Variants in GPR83 observed in about 807,000 individuals in gnomAD.
The protein encoded by GPR83 is G-protein coupled receptor 72.
A neutral mutation model predicts 28.0 loss-of-function variants in GPR83; 23 were observed. The ratio of observed to expected loss-of-function variants is 0.82; its 90% confidence interval spans 0.59 to 1.16. GPR83 has a LOEUF of 1.16. GPR83 is among the 50% of genes most tolerant of loss of function. The pLI is 0.00. For synonymous variants in GPR83, 234 were observed against 215.4 expected, an observed-to-expected ratio of 1.09 and a Z score of -0.76; for missense variants, 610 against 536.6, an observed-to-expected ratio of 1.14 and a Z score of -1.35.
Position 94,379,299 on chromosome 11 carries a change from A to T in GPR83, c.*850T>A, listed in dbSNP as rs1944656411. On this transcript the variant is annotated 3_prime_UTR_variant, in exon 4 of 4. Coordinates refer to ENST00000243673, the MANE Select transcript of GPR83 (RefSeq NM_016540.4). Reference sequence around the variant, plus strand: ...GGCAGGAGAACGGCATGAACCTGGGAGGCAGAGCTTGCAGTGAGCCGAGAT... The same window carrying T: ...GGCAGGAGAACGGCATGAACCTGGGTGGCAGAGCTTGCAGTGAGCCGAGAT... The T allele has an allele frequency of 6.8e-6, 1 of 147,482 alleles. No individual in the cohort carries two copies. The highest frequency in any genetic ancestry group is 1.5e-5 in the Non-Finnish European group (1 of 67,222). 9.1% of individuals were successfully genotyped at this position (147,482 alleles called of 1,614,324 possible). A position where few individuals can be genotyped will look rare whatever the true frequency, so the allele number is the denominator to read the frequency against.
chr11:94,392,143 G>C (rs865869581), intron 3 of GPR83, among the ~76,000 whole-genome samples: 2 of 152,034 alleles, frequency 1.3e-5, no homozygotes, highest in African/African-American at 4.8e-5. Context: ...CTATGCAGCC[G>C]TAAAAAAGGA....
chr11:94,387,433 A>C (rs984871386), intron 3 of GPR83, among the ~76,000 whole-genome samples: 2 of 152,198 alleles, frequency 1.3e-5, no homozygotes, highest in African/African-American at 4.8e-5. Context: ...ACCGCTAGCA[A>C]GACTAATAAA....
rs970811590 is a variant in GPR83 at position 94,377,573 on chromosome 11, A to T, written c.*2576T>A. On this transcript the variant is annotated 3_prime_UTR_variant, in exon 4 of 4. Coordinates refer to ENST00000243673, the MANE Select transcript of GPR83 (RefSeq NM_016540.4). The stretch of plus-strand genomic sequence containing the variant: ...AACAATGATTCAACTTAGGATTTTT[A>T]AAAATTTTATGATGATGGGAAAGCA... 2.6e-5 allele frequency: 4 copies of T among 152,198 alleles called. No homozygotes were observed. The highest frequency in any genetic ancestry group is 9.6e-5 in the African/African-American group (4 of 41,452). 9.4% of individuals were successfully genotyped at this position (152,198 alleles called of 1,614,324 possible).
At position 94,395,230 on chromosome 11, in the gene GPR83, C is replaced by T. The variant is rs75665200; in HGVS notation, c.513+1169G>A. On this transcript the variant is annotated intron_variant, in intron 2 of 3. Coordinates refer to ENST00000243673, the MANE Select transcript of GPR83 (RefSeq NM_016540.4). Reference sequence around the variant, plus strand: ...TGGCTGGTGACATGAAACTCATTACCTCCCAGGCAGGTTTGTCCACCTTTA... The same window carrying T: ...TGGCTGGTGACATGAAACTCATTACTTCCCAGGCAGGTTTGTCCACCTTTA... Among the ~76,000 whole-genome samples, 194 of 152,296 alleles carry T rather than the reference C, an allele frequency of 1.3e-3. No individual in the cohort carries two copies. In the East Asian group the frequency reaches 0.016, roughly 12 times the overall value.
At position 94,393,622 on chromosome 11, in the gene GPR83, G is replaced by C; in HGVS notation, c.514-4C>G. On this transcript the variant is annotated splice_polypyrimidine_tract_variant and splice_region_variant and intron_variant, in intron 2 of 3. Transcript: ENST00000243673. ...GTTTCAAGGGGTGCATGATGACCTG[G>C]AAAACAAGCAAACCACATCACTAAC... 1.2e-6 allele frequency: 2 copies of C among 1,613,744 alleles called. No individual in the cohort carries two copies. Among genetic ancestry groups the C allele is most frequent in the Non-Finnish European group, 1.7e-6 (2 of 1,179,864 alleles).
In GPR83 at chr11:94,384,634, C is replaced by T. The variant is rs555434095; in HGVS notation, c.648-3861G>A. Among the ~76,000 whole-genome samples the T allele has an allele frequency of 1.0e-3, 157 of 152,128 alleles. 1 individual carries two copies. In the South Asian group the frequency reaches 0.024, roughly 23 times the overall value. ...GACGGCACCTGGAAAATCAGGTCAG[C>T]GGCAGCGAGGCTGGGGGAGGAGCGT... is the stretch of plus-strand genomic sequence containing the variant. On this transcript the variant is annotated intron_variant, in intron 3 of 3. Transcript: ENST00000243673.
chr11:94,383,115 C>T (rs1004738454), intron 3 of GPR83, among the ~76,000 whole-genome samples: 1 of 151,024 alleles, frequency 6.6e-6, no homozygotes, highest in African/African-American at 2.4e-5. Context: ...CATGCCACTG[C>T]ACTCCAGCCT....
chr11:94,383,341 T>A (rs1040186813), intron 3 of GPR83, among the ~76,000 whole-genome samples: 20 of 152,036 alleles, frequency 1.3e-4, no homozygotes, highest in African/African-American at 4.8e-4. Flanking sequence ...AAGCAGTGTG[T>A]AGAGGGAAAT....
At position 94,400,738 on chromosome 11, in the gene GPR83, G is replaced by T. The variant is rs1480078209; in HGVS notation, c.387+123C>A. ...AGGAGAGGAGAAATGAGGAGGAAGA[G>T]AGATGTGGAGAGAGAAGTGGGGACC... On this transcript the variant is annotated intron_variant, in intron 1 of 3. Coordinates refer to ENST00000243673, the MANE Select transcript of GPR83 (RefSeq NM_016540.4). 7.9e-6 allele frequency: 6 copies of T among 762,308 alleles called. No homozygotes were observed. In the African/African-American group the frequency reaches 1.0e-4, roughly 13 times the overall value. 47.2% of individuals were successfully genotyped at this position (762,308 alleles called of 1,614,324 possible).
chr11:94,396,537 C>T lies in GPR83; in HGVS notation c.388-13G>A. On this transcript the variant is annotated splice_polypyrimidine_tract_variant and intron_variant, in intron 1 of 3. Coordinates refer to ENST00000243673, the MANE Select transcript of GPR83 (RefSeq NM_016540.4). ...TCACAAAGCGAACCTGGAGATGAGCCCAAAGATGTTAGGAGACAGACAGGC... is the reference window on the plus strand; with the variant it reads ...TCACAAAGCGAACCTGGAGATGAGCTCAAAGATGTTAGGAGACAGACAGGC... 2 of 1,612,782 alleles carry T rather than the reference C, an allele frequency of 1.2e-6. No homozygotes were observed. Among genetic ancestry groups the T allele is most frequent in the South Asian group, 1.1e-5 (1 of 91,026 alleles).
intron 3 of GPR83, among the ~76,000 whole-genome samples, chr11:94,388,096 C>A (rs561632650): frequency 2.0e-5 from 3 of 152,294 alleles, no homozygotes; most frequent in East Asian, 3.9e-4. Flanking sequence ...TCAATAGATG[C>A]AGAAAAGGCC....
intron 3 of GPR83, among the ~76,000 whole-genome samples, chr11:94,388,047 C>G (rs1322238754): frequency 6.6e-6 from 1 of 152,170 alleles, no homozygotes; most frequent in Non-Finnish European, 1.5e-5. Context: ...CGTAATCCAG[C>G]ATATAAACAG....
At position 94,393,784 on chromosome 11, in the gene GPR83, G is replaced by C. The variant is rs150383890; in HGVS notation, c.514-166C>G. Among the ~76,000 whole-genome samples, 110 of 152,226 alleles carry C rather than the reference G, an allele frequency of 7.2e-4. 2 individuals are homozygous for C. The highest frequency in any genetic ancestry group is 2.6e-3 in the African/African-American group (109 of 41,520). The stretch of plus-strand genomic sequence containing the variant: ...TAGACCAGACTGGGCAACACAGTGA[G>C]ACCCTGTCTCTATATATTTAAAAAA... On this transcript the variant is annotated intron_variant, in intron 2 of 3. Coordinates refer to ENST00000243673, the MANE Select transcript of GPR83 (RefSeq NM_016540.4).
Position 94,380,459 on chromosome 11 carries a change from C to T in GPR83, c.962G>A (p.Arg321His), listed in dbSNP as rs145628763. 3.7e-5 allele frequency: 60 copies of T among 1,614,054 alleles called. No homozygotes were observed. Among genetic ancestry groups the T allele is most frequent in the African/African-American group, 2.8e-4 (21 of 75,030 alleles). ...GGCAAAGTAGAGGGCATTGTTGGTGCGGATGACCTTGCTGGACAGGAGGAG... is the reference window on the plus strand; with the variant it reads ...GGCAAAGTAGAGGGCATTGTTGGTGTGGATGACCTTGCTGGACAGGAGGAG... ...YVLLLSSKVI[R>H]TNNALYFAFH... The change falls in exon 4 of 4, where the codon CGC becomes CAC. Residue 321 changes from arginine (R) to histidine (H), a missense_variant. By Grantham distance (29) the Arg-to-His change is conservative (BLOSUM62 0). Coordinates refer to ENST00000243673, the MANE Select transcript of GPR83 (RefSeq NM_016540.4).
intron 3 of GPR83, among the ~76,000 whole-genome samples, chr11:94,381,358 G>A (rs903114937): frequency 6.6e-6 from 1 of 151,884 alleles, no homozygotes; most frequent in African/African-American, 2.4e-5. Flanking sequence ...AAAAGAGAGA[G>A]GAAACTTCCT....
rs906089564 is a variant in GPR83 at position 94,378,242 on chromosome 11, G to A, written c.*1907C>T. The A allele has an allele frequency of 7.9e-5, 12 of 152,290 alleles. No homozygotes were observed. The South Asian group carries it at 2.1e-3, about 26-fold the overall frequency. The allele number at this position is 152,290 out of a possible 1,614,324, so 9.4% of individuals were successfully genotyped here. A position where few individuals can be genotyped will look rare whatever the true frequency, so the allele number is the denominator to read the frequency against. On this transcript the variant is annotated 3_prime_UTR_variant, in exon 4 of 4. Coordinates refer to ENST00000243673, the MANE Select transcript of GPR83 (RefSeq NM_016540.4). ...GAAACTAGGATAAAGAACCCTCATA[G>A]TTCATTACAGGGAAGCAGATGATGT...
intron 1 of GPR83, among the ~76,000 whole-genome samples, chr11:94,397,391 C>A (rs962131107): frequency 6.6e-6 from 1 of 152,168 alleles, no homozygotes; most frequent in Non-Finnish European, 1.5e-5. Flanking sequence ...AAGTGCAAGA[C>A]AGAAAGTAAT....
At chr11:94,396,081 G>A (rs539686633) in intron 2 of GPR83, among the ~76,000 whole-genome samples, 1 of 152,190 alleles carries the variant, frequency 6.6e-6, no homozygotes, top group African/African-American at 2.4e-5. Flanking sequence ...CTAGCCAGGC[G>A]TGGTGGCGAG....
rs1171145412 is a variant in GPR83, at chr11:94,396,454, C to T, written c.458G>A (p.Cys153Tyr). ...TGTCAGTGCTGAGACGTGCAGTGAGCAGTACTGGGCAAAGCGGCTGACATG... is the reference window on the plus strand; with the variant it reads ...TGTCAGTGCTGAGACGTGCAGTGAGTAGTACTGGGCAAAGCGGCTGACATG... ...MCHVSRFAQY[C>Y]SLHVSALTLT... is the part of the protein sequence containing the mutation. The change falls in exon 2 of 4, where the codon TGC becomes TAC. Residue 153 changes from cysteine (C) to tyrosine (Y), a missense_variant. Cys to Tyr is a radical substitution (Grantham distance 194). Coordinates refer to ENST00000243673, the MANE Select transcript of GPR83 (RefSeq NM_016540.4). The T allele has an allele frequency of 1.2e-6, 2 of 1,613,988 alleles. No homozygotes were observed. The highest frequency in any genetic ancestry group is 1.7e-6 in the Non-Finnish European group (2 of 1,179,874).
Sources: allele counts gnomAD v4.1 joint callset (sites outside exome capture counted in the v4.1 genomes callset), GRCh38; gene constraint gnomAD v4.1.1; transcripts MANE v1.5; gene names NCBI Gene and HGNC (gene_info 2026-07-23, HGNC 2026-07-21).